Variants in ROBO2 observed in about 807,000 individuals in gnomAD.
The protein encoded by ROBO2 is roundabout guidance receptor 2, also known as roundabout homolog 2.
In ROBO2, 53 loss-of-function variants were observed where a neutral mutation model predicts 160.8. The ratio of observed to expected loss-of-function variants is 0.33; its 90% CI spans 0.26 to 0.41. The LOEUF is 0.41. Among genes scored for constraint, ROBO2 ranks in the 10% least tolerant of loss-of-function variants. The pLI is 1.00. For synonymous variants in ROBO2, 664 were observed against 611.7 expected, an observed-to-expected ratio of 1.09 and a Z score of -1.26; for missense variants, 1,577 against 1,722.4, an observed-to-expected ratio of 0.92 and a Z score of 1.49.
chr3:76,374,394 A>G (rs2076245563), intron 2 of ROBO2, among the ~76,000 whole-genome samples: 1 of 152,040 alleles, frequency 6.6e-6, no homozygotes. Flanking sequence ...GAAGGCAACT[A>G]ACTTAAATGA....
chr3:76,380,142 C>G (rs1289435157), intron 2 of ROBO2, among the ~76,000 whole-genome samples: 1 of 151,776 alleles, frequency 6.6e-6, no homozygotes, highest in African/African-American at 2.4e-5. Context: ...AATCTAACAC[C>G]TGTGTGCTTT....
At chr3:76,152,934 G>C (rs1213640881) in intron 2 of ROBO2, among the ~76,000 whole-genome samples, 2 of 152,028 alleles carry the variant, frequency 1.3e-5, no homozygotes, top group Non-Finnish European at 2.9e-5. Flanking sequence ...TTTAAATTTA[G>C]ATCTGCCTTC....
chr3:76,534,920 A>T (rs1041719653), intron 2 of ROBO2, among the ~76,000 whole-genome samples: 4 of 152,058 alleles, frequency 2.6e-5, no homozygotes, highest in African/African-American at 9.7e-5. Context: ...GAAGAAGGTC[A>T]TCAACATATT....
At chr3:76,998,827 C>T (rs945428622) in intron 2 of ROBO2, among the ~76,000 whole-genome samples, 2 of 152,258 alleles carry the variant, frequency 1.3e-5, no homozygotes, top group Admixed American at 6.5e-5. Flanking sequence ...TGCAGACAGG[C>T]TTGCCAAGTA....
intron 2 of ROBO2, among the ~76,000 whole-genome samples, chr3:76,022,965 A>T (rs1223680898): frequency 4.6e-5 from 7 of 151,770 alleles, no homozygotes; most frequent in Non-Finnish European, 1.0e-4. Context: ...TTCATCTATT[A>T]TCTTAGCTAG....
intron 2 of ROBO2, among the ~76,000 whole-genome samples, chr3:77,269,042 A>G (rs1344248990): frequency 3.9e-5 from 6 of 152,246 alleles, no homozygotes; most frequent in Non-Finnish European, 8.8e-5. Context: ...ATCTTAATTC[A>G]GTAGGAATAT....
intron 2 of ROBO2, among the ~76,000 whole-genome samples, chr3:76,780,195 T>TG (rs1553903203): frequency 6.6e-6 from 1 of 150,816 alleles, no homozygotes; most frequent in African/African-American, 2.4e-5. Flanking sequence ...ACAGTTTTTT[T>TG]TTTGTTTGTT....
chr3:77,435,384 G>C lies in ROBO2; in HGVS notation c.389-42030G>C, dbSNP rs573358833. Among the ~76,000 whole-genome samples, 24 of 151,960 alleles carry C rather than the reference G, an allele frequency of 1.6e-4. No homozygotes were observed. In the South Asian group the frequency reaches 4.6e-3, roughly 29 times the overall value. ...TTTTATTAAGAAACTGATCTATTATGAAAAACACTTTTTAAGCCAAATAAG... is the reference window on the plus strand; with the variant it reads ...TTTTATTAAGAAACTGATCTATTATCAAAAACACTTTTTAAGCCAAATAAG... On this transcript the variant is annotated intron_variant, in intron 2 of 25. Coordinates refer to ENST00000461745, the Ensembl canonical transcript of ROBO2.
intron 2 of ROBO2, among the ~76,000 whole-genome samples, chr3:76,817,649 G>A (rs1201702862): frequency 4.0e-5 from 6 of 151,436 alleles, no homozygotes; most frequent in Admixed American, 3.3e-4. Flanking sequence ...CAACCCCCTT[G>A]CACCCTTCCC....
rs139868905 is a variant in ROBO2, at chr3:76,482,083, G to A, written c.109+544481G>A. The stretch of plus-strand genomic sequence containing the variant: ...ACCTGATGTGCCAAATCTTGAATAG[G>A]AGCTGCCAGAAAACCCCTGCCAAAC... On this transcript the variant is annotated intron_variant, in intron 2 of 26. Transcript: ENST00000487694. Among the ~76,000 whole-genome samples the A allele has an allele frequency of 1.0e-3, 152 of 152,130 alleles. 2 individuals are homozygous for A. In the East Asian group the frequency reaches 0.025, roughly 25 times the overall value.
At chr3:76,096,019 C>T (rs999065897) in intron 2 of ROBO2, among the ~76,000 whole-genome samples, 2 of 152,100 alleles carry the variant, frequency 1.3e-5, no homozygotes, top group African/African-American at 2.4e-5. Flanking sequence ...AGAATATCCT[C>T]ATAAGGTATA....
rs969407166 is a variant in ROBO2 at position 76,857,086 on chromosome 3, A to C, written c.110-240928A>C. ...CTGCTAGCTCCTTCTCCCGGGTTCA[A>C]GCGATTCTCGTGCCTCAGCCTCCGG... is the stretch of plus-strand genomic sequence containing the variant. On this transcript the variant is annotated intron_variant, in intron 2 of 26. Transcript: ENST00000487694. Among the ~76,000 whole-genome samples, 7 of 152,046 alleles carry C rather than the reference A, an allele frequency of 4.6e-5. No homozygotes were observed. In the East Asian group the frequency reaches 1.2e-3, roughly 25 times the overall value.
Position 76,381,948 on chromosome 3 carries a change from A to G in ROBO2, c.109+444346A>G, listed in dbSNP as rs180774319. Among the ~76,000 whole-genome samples the G allele has an allele frequency of 1.3e-3, 193 of 151,956 alleles. 3 individuals carry two copies. The highest frequency in any genetic ancestry group is 0.012 in the Admixed American group (189 of 15,246). On this transcript the variant is annotated intron_variant, in intron 2 of 26. Transcript: ENST00000487694. ...ATTCATGTATATATAGAATATTTAG[A>G]CTTTGTCGTTGTTGTTTTTTGTTTT...
intron 2 of ROBO2, among the ~76,000 whole-genome samples, chr3:76,206,376 C>A (rs1190355490): frequency 6.6e-6 from 1 of 152,082 alleles, no homozygotes; most frequent in East Asian, 1.9e-4. Context: ...CATTATATGG[C>A]TGATTTGAAG....
chr3:76,256,377 C>CACACAT (rs35789928), intron 2 of ROBO2, among the ~76,000 whole-genome samples: 2 of 149,158 alleles, frequency 1.3e-5, no homozygotes, highest in African/African-American at 2.5e-5. Flanking sequence ...CACACACACA[C>CACACAT]GCAAGGTATG....
At chr3:76,910,260 T>G (rs2075884262) in intron 2 of ROBO2, among the ~76,000 whole-genome samples, 1 of 152,142 alleles carries the variant, frequency 6.6e-6, no homozygotes, top group African/African-American at 2.4e-5. Context: ...ACAAAAACTT[T>G]TACTGAATAT....
chr3:76,840,796 T>C (rs1559586585), intron 2 of ROBO2, among the ~76,000 whole-genome samples: 1 of 151,908 alleles, frequency 6.6e-6, no homozygotes, highest in East Asian at 1.9e-4. Flanking sequence ...AAAGCATTTG[T>C]TGGTGGAAAT....
At chr3:76,213,461 T>C (rs1703281776) in intron 2 of ROBO2, among the ~76,000 whole-genome samples, 1 of 152,122 alleles carries the variant, frequency 6.6e-6, no homozygotes, top group African/African-American at 2.4e-5. Flanking sequence ...GATCCTTATG[T>C]TGTGAAAAGA....
At chr3:76,318,422 C>T (rs1186049025) in intron 2 of ROBO2, among the ~76,000 whole-genome samples, 2 of 152,014 alleles carry the variant, frequency 1.3e-5, no homozygotes, top group East Asian at 3.9e-4. Context: ...TCTATCAGCC[C>T]CCACCCTCTC....
Sources: allele counts gnomAD v4.1 joint callset (sites outside exome capture counted in the v4.1 genomes callset), GRCh38; gene constraint gnomAD v4.1.1; transcripts MANE v1.5; gene names NCBI Gene and HGNC (gene_info 2026-07-23, HGNC 2026-07-21).